Variants in PUM1 observed in about 807,000 individuals in gnomAD.
PUM1 encodes pumilio RNA binding family member 1.
PUM1 carries 13 observed loss-of-function variants against 131.8 expected under a neutral mutation model. The ratio of observed to expected loss-of-function variants is 0.10; its 90% CI spans 0.06 to 0.16. The LOEUF is 0.16. Ranked by LOEUF, PUM1 falls within the 10% of genes least tolerant of loss-of-function variation. PUM1 has a pLI of 1.00. For missense variants in PUM1, 961 were observed against 1,512.4 expected (o/e 0.64, Z 6.05); for synonymous variants, 509 against 556.5 (o/e 0.91, Z 1.20).
At chr1:31,058,932 G>A (rs1159737899) in intron 2 of PUM1, among the ~76,000 whole-genome samples, 66 of 152,126 alleles carry the variant, frequency 4.3e-4, no homozygotes, top group Admixed American at 4.3e-3. Flanking sequence ...ATCAAGCCGA[G>A]ATCAGGCGAC....
intron 2 of PUM1, among the ~76,000 whole-genome samples, chr1:31,046,883 T>C (rs1290980071): frequency 6.6e-6 from 1 of 151,978 alleles, no homozygotes; most frequent in East Asian, 1.9e-4. Context: ...ACTTCTTACA[T>C]GGAGGTGTAA....
chr1:31,034,035 A>G (rs937738455), intron 2 of PUM1, among the ~76,000 whole-genome samples: 1 of 152,228 alleles, frequency 6.6e-6, no homozygotes, highest in African/African-American at 2.4e-5. Flanking sequence ...GAATAATTAC[A>G]ATTTATCCAT....
chr1:30,973,439 C>T (rs1205295308), intron 10 of PUM1, among the ~76,000 whole-genome samples: 1 of 152,060 alleles, frequency 6.6e-6, no homozygotes, highest in African/African-American at 2.4e-5. Flanking sequence ...AACTCCATTA[C>T]TAGGAATTTT....
At chr1:30,947,149 C>G (rs1385285048) in intron 17 of PUM1, among the ~76,000 whole-genome samples, 1 of 152,144 alleles carries the variant, frequency 6.6e-6, no homozygotes. Flanking sequence ...AACTATAGAC[C>G]TAGATTCCCA....
At chr1:31,045,032 T>A (rs552613490) in intron 2 of PUM1, among the ~76,000 whole-genome samples, 50 of 152,240 alleles carry the variant, frequency 3.3e-4, no homozygotes, top group Middle Eastern at 3.4e-3. Context: ...TCTCCTGACC[T>A]CGTGATCCAC....
At chr1:31,006,222 AG>A (rs1414219022) in intron 4 of PUM1, among the ~76,000 whole-genome samples, 191 bp from the exon 5 acceptor site, 1 of 152,232 alleles carries the variant, frequency 6.6e-6, no homozygotes, top group Non-Finnish European at 1.5e-5. Flanking sequence ...TCATTTATCC[AG>A]GATAGCAGAG....
chr1:30,984,491 C>T (rs1173688218), intron 7 of PUM1, among the ~76,000 whole-genome samples: 1 of 152,178 alleles, frequency 6.6e-6, no homozygotes, highest in Non-Finnish European at 1.5e-5. Context: ...GGGGGAAATG[C>T]TCAAAGGTCA....
At chr1:31,016,616 A>G (rs1642827200) in intron 3 of PUM1, among the ~76,000 whole-genome samples, 1 of 152,168 alleles carries the variant, frequency 6.6e-6, no homozygotes, top group Non-Finnish European at 1.5e-5. Flanking sequence ...TTTAATTCAA[A>G]TCACCAAAAA....
intron 3 of PUM1, among the ~76,000 whole-genome samples, chr1:31,019,608 T>G (rs1430232642): frequency 6.6e-6 from 1 of 152,254 alleles, no homozygotes; most frequent in Non-Finnish European, 1.5e-5. Flanking sequence ...CACTCCATGT[T>G]ATTTTGTCAT....
At chr1:30,946,658 TTATA>T (rs1639687239) in intron 17 of PUM1, among the ~76,000 whole-genome samples, 1 of 148,588 alleles carries the variant, frequency 6.7e-6, no homozygotes, top group African/African-American at 2.4e-5. Context: ...AAAAATTATT[TTATA>T]TATATACTTA....
chr1:30,952,082 GA>G (rs1206968909), intron 16 of PUM1, 151 bp downstream of exon 16: 1 of 668,966 alleles, frequency 1.5e-6, no homozygotes. Context: ...TGCTGCTAAT[GA>G]ATTGGAAAAA....
chr1:31,038,055 G>A (rs1458535064), intron 2 of PUM1, among the ~76,000 whole-genome samples: 7 of 150,564 alleles, frequency 4.6e-5, no homozygotes, highest in Admixed American at 6.6e-5. Flanking sequence ...CTCCAGCCTC[G>A]GAAATAGAGT....
chr1:31,032,960 G>A (rs925397213), intron 2 of PUM1, among the ~76,000 whole-genome samples: 3 of 151,972 alleles, frequency 2.0e-5, no homozygotes, highest in African/African-American at 7.3e-5. Flanking sequence ...ACAAAAATTA[G>A]CTGGGCGTGA....
rs1019691279 is a variant in PUM1 at position 31,019,976 on chromosome 1, T to G, written c.432+8820A>C. 4.6e-5 allele frequency among the ~76,000 whole-genome samples: 7 copies of G among 152,264 alleles called. No individual in the cohort carries two copies. In the East Asian group the frequency reaches 1.3e-3, roughly 29 times the overall value. Reference sequence around the variant, plus strand: ...TACATGGCTATAATATATTGTGTGATGCTGAGATTTGGGCTTCAACTGAAC... The same window carrying G: ...TACATGGCTATAATATATTGTGTGAGGCTGAGATTTGGGCTTCAACTGAAC... On this transcript the variant is annotated intron_variant, in intron 3 of 21. Transcript: ENST00000426105.
chr1:31,052,093 A>G (rs1169732571), intron 2 of PUM1, among the ~76,000 whole-genome samples: 1 of 152,096 alleles, frequency 6.6e-6, no homozygotes, highest in East Asian at 1.9e-4. Flanking sequence ...GCTCACTGCA[A>G]GCTCCACCTC....
At chr1:30,941,714 T>C (rs1041936271) in intron 19 of PUM1, among the ~76,000 whole-genome samples, 1 of 152,186 alleles carries the variant, frequency 6.6e-6, no homozygotes. Context: ...TTAACGATTA[T>C]GAAACAGAGA....
chr1:30,969,719 T>C (rs532060635), intron 10 of PUM1, among the ~76,000 whole-genome samples: 1 of 152,112 alleles, frequency 6.6e-6, no homozygotes, highest in East Asian at 1.9e-4. Context: ...GGCTGGAGTG[T>C]AGTGTGGCAC....
intron 3 of PUM1, among the ~76,000 whole-genome samples, chr1:31,013,407 C>A (rs185094446): frequency 4.4e-4 from 67 of 152,308 alleles, no homozygotes; most frequent in African/African-American, 1.6e-3. Flanking sequence ...TCAATACAGG[C>A]TGCACAGAGC....
chr1:30,966,298 C>T lies in PUM1; in HGVS notation c.1790-20G>A, dbSNP rs372025312. ...CAACAGCTATGAAGAAGAAAGCAAACCGTTTGGCTATGAAAGGGACTGGCC... is the reference window on the plus strand; with the variant it reads ...CAACAGCTATGAAGAAGAAAGCAAATCGTTTGGCTATGAAAGGGACTGGCC... On this transcript the variant is annotated intron_variant, in intron 12 of 21. Transcript: ENST00000426105. 1.9e-6 allele frequency: 3 copies of T among 1,553,200 alleles called. No individual in the cohort carries two copies. Among genetic ancestry groups the T allele is most frequent in the African/African-American group, 1.4e-5 (1 of 73,018 alleles).
Sources: gnomAD v4.1 joint callset for allele counts (sites outside exome capture counted in the v4.1 genomes callset) on GRCh38, gnomAD v4.1.1 for gene constraint, MANE v1.5 for transcripts, NCBI Gene and HGNC (gene_info 2026-07-23, HGNC 2026-07-21) for gene names.